Variants in ACOX2 observed in about 807,000 individuals in gnomAD.
ACOX2 encodes acyl-CoA oxidase 2.
ACOX2 carries 59 observed loss-of-function variants against 77.5 expected under a neutral mutation model. That is an observed-to-expected ratio of 0.76 (90% CI 0.62 to 0.95). ACOX2 has a LOEUF of 0.95. Ranked by LOEUF, ACOX2 falls within the 40% of genes least tolerant of loss-of-function variation. The probability of loss-of-function intolerance (pLI) is 0.00; values close to 1 mark genes in which losing one functional copy is unlikely to be tolerated. For synonymous variants in ACOX2, 317 were observed against 340.1 expected (o/e 0.93, Z 0.75); for missense variants, 837 against 880.4 (o/e 0.95, Z 0.62).
rs2063454937 is a variant in ACOX2 at position 58,533,380 on chromosome 3, T to C, written c.583+65A>G. ...GTCTGTTGGACCTCAAAGCCAGTGC[T>C]ACTCTGCCCTCCAACATTCTTCTAC... On this transcript the variant is annotated intron_variant, in intron 5 of 14. Coordinates refer to ENST00000302819, the MANE Select transcript of ACOX2 (RefSeq NM_003500.4). The surrounding 1 kb of genome is among the most constrained non-coding windows in gnomAD (Gnocchi z 5.6). 3 of 1,445,354 alleles carry C rather than the reference T, an allele frequency of 2.1e-6. No individual in the cohort carries two copies. In the Admixed American group the frequency reaches 5.1e-5, roughly 25 times the overall value. The allele number at this position is 1,445,354 out of a possible 1,614,324, so 89.5% of individuals were successfully genotyped here.
chr3:58,530,708 T>C, intron 7 of ACOX2, 70 bp from the exon 8 acceptor site: 1 of 1,505,322 alleles, frequency 6.6e-7, no homozygotes, highest in South Asian at 1.2e-5. Flanking sequence ...TCTCCAGAGC[T>C]GTGGGGCTCC....
At chr3:58,513,848 A>G (rs548745333) in intron 13 of ACOX2, among the ~76,000 whole-genome samples, 164 of 152,274 alleles carry the variant, frequency 1.1e-3, no homozygotes, top group African/African-American at 3.7e-3. Flanking sequence ...CTATGGAGTG[A>G]ATTGGGTGGA....
At position 58,534,188 on chromosome 3, in the gene ACOX2, A is replaced by G; in HGVS notation, c.324-43T>C. On this transcript the variant is annotated intron_variant, in intron 3 of 14. Transcript: ENST00000302819. The surrounding 1 kb of genome is among the most constrained non-coding windows in gnomAD (Gnocchi z 4.8). ...TGTAGTTGAGTAGCTTATTGGAGAC[A>G]GGGGCCCAGGTACCCCCTGCCTGAG... The G allele has an allele frequency of 6.2e-7, 1 of 1,610,338 alleles. No individual in the cohort carries two copies. The highest frequency in any genetic ancestry group is 1.1e-5 in the South Asian group (1 of 90,772).
At chr3:58,510,856 C>A (rs1576987099) in intron 13 of ACOX2, 1 of 340,650 alleles carries the variant, frequency 2.9e-6, no homozygotes. Context: ...CTGGAAAAAA[C>A]AATCATAACT....
chr3:58,507,972 A>G (rs2063246875), intron 14 of ACOX2, among the ~76,000 whole-genome samples: 1 of 152,226 alleles, frequency 6.6e-6, no homozygotes, highest in African/African-American at 2.4e-5. Context: ...TGGACCAAAG[A>G]GGTAAAAAAG....
At chr3:58,517,909 T>C (rs1026062936) in intron 12 of ACOX2, among the ~76,000 whole-genome samples, 1 of 151,644 alleles carries the variant, frequency 6.6e-6, no homozygotes, top group South Asian at 2.1e-4. Flanking sequence ...ACCCTGTCTC[T>C]ACTAAAAATG....
chr3:58,520,153 CCTCT>C (rs1427242131), intron 12 of ACOX2, among the ~76,000 whole-genome samples: 2 of 152,214 alleles, frequency 1.3e-5, no homozygotes, highest in African/African-American at 4.8e-5. Flanking sequence ...GTGCTAGCTG[CCTCT>C]CTAAGTTTTA....
At position 58,516,840 on chromosome 3, in the gene ACOX2, A is replaced by G. The variant is rs149104404; in HGVS notation, c.1850+366T>C. ...TGACAGAGCCAGTCCCTGTCTAAAA[A>G]AAAAGAAAAGAAAAAAAAAGTTAGC... On this transcript the variant is annotated intron_variant, in intron 13 of 14. Coordinates refer to ENST00000302819, the MANE Select transcript of ACOX2 (RefSeq NM_003500.4). 3.5e-3 allele frequency among the ~76,000 whole-genome samples: 533 copies of G among 152,322 alleles called. 7 individuals are homozygous for G. Among genetic ancestry groups the G allele is most frequent in the African/African-American group, 0.012 (492 of 41,566 alleles).
At position 58,520,480 on chromosome 3, in the gene ACOX2, C is replaced by T. The variant is rs151024103; in HGVS notation, c.1632+2016G>A. 8.3e-3 allele frequency among the ~76,000 whole-genome samples: 1,266 copies of T among 152,384 alleles called. 12 individuals carry two copies. The highest frequency in any genetic ancestry group is 0.014 in the Non-Finnish European group (932 of 68,036). ...AAAGGGCTCTTCCATGCCCCTTTGT[C>T]TACAGACAGGGAAGTTAAAGCCCAG... On this transcript the variant is annotated intron_variant, in intron 12 of 14. Coordinates refer to ENST00000302819, the MANE Select transcript of ACOX2 (RefSeq NM_003500.4).
chr3:58,512,371 G>C lies in ACOX2; in HGVS notation c.1851-3346C>G, dbSNP rs545574420. Among the ~76,000 whole-genome samples, 62 of 152,306 alleles carry C rather than the reference G, an allele frequency of 4.1e-4. No individual in the cohort carries two copies. Among genetic ancestry groups the C allele is most frequent in the African/African-American group, 1.4e-3 (57 of 41,548 alleles). ...ATCACTCACTTGGATGATTGCATTAGCGATCCAGCTGATCTCCCTGCTTTT... is the reference window on the plus strand; with the variant it reads ...ATCACTCACTTGGATGATTGCATTACCGATCCAGCTGATCTCCCTGCTTTT... On this transcript the variant is annotated intron_variant, in intron 13 of 14. Transcript: ENST00000302819. The surrounding 1 kb of genome is among the most constrained non-coding windows in gnomAD (Gnocchi z 4.8).
chr3:58,515,001 T>G lies in ACOX2; in HGVS notation c.1850+2205A>C, dbSNP rs2063312068. Among the ~76,000 whole-genome samples, 1 of 152,156 alleles carries G rather than the reference T, an allele frequency of 6.6e-6. No homozygotes were observed. Among genetic ancestry groups the G allele is most frequent in the Non-Finnish European group, 1.5e-5 (1 of 68,034 alleles). Reference sequence around the variant, plus strand: ...ATTGTGTCAAACGTATTTTTGACAGTTTTTGATGATTTAACTGAACAAACT... The same window carrying G: ...ATTGTGTCAAACGTATTTTTGACAGGTTTTGATGATTTAACTGAACAAACT... On this transcript the variant is annotated intron_variant, in intron 13 of 14. Transcript: ENST00000302819. The surrounding 1 kb of genome is among the most constrained non-coding windows in gnomAD (Gnocchi z 4.0).
chr3:58,510,951 T>G (rs2063282566), intron 13 of ACOX2: 1 of 456,358 alleles, frequency 2.2e-6, no homozygotes, highest in African/African-American at 2.0e-5. Context: ...CATTTACTGT[T>G]TCTTTTTCTT....
chr3:58,532,390 C>CTT (rs1176350992), intron 5 of ACOX2, among the ~76,000 whole-genome samples: 1 of 148,104 alleles, frequency 6.8e-6, no homozygotes, highest in Admixed American at 6.8e-5. Context: ...TTCTTTCTTT[C>CTT]TTTCTTTTGT....
rs1560220614 is a variant in ACOX2, at chr3:58,531,813, C to T, written c.584-1G>A. 1 of 1,613,164 alleles carries T rather than the reference C, an allele frequency of 6.2e-7. No individual in the cohort carries two copies. Among genetic ancestry groups the T allele is most frequent in the Non-Finnish European group, 8.5e-7 (1 of 1,179,700 alleles). On this transcript the variant is annotated splice_acceptor_variant, in intron 5 of 14. Coordinates refer to ENST00000302819, the MANE Select transcript of ACOX2 (RefSeq NM_003500.4). LOFTEE classifies it high-confidence loss of function. The surrounding 1 kb of genome is among the most constrained non-coding windows in gnomAD (Gnocchi z 5.8). ...AGGGCATGGGTGGCTGACCGTCCCA[C>T]TGAGGGCAGAGAGAGTAGCGGCCCG...
rs1042640368 is a variant in ACOX2, at chr3:58,521,167, C to T, written c.1632+1329G>A. 2.0e-4 allele frequency among the ~76,000 whole-genome samples: 31 copies of T among 152,152 alleles called. No homozygotes were observed. The highest frequency in any genetic ancestry group is 7.2e-4 in the African/African-American group (30 of 41,424). ...GGACAGTTAGCACAGCAGGGGGTGC[C>T]CCTGCTGTAGGCTGAGCAGAACTGA... On this transcript the variant is annotated intron_variant, in intron 12 of 14. Transcript: ENST00000302819. This position sits in a 1 kb window ranked among gnomAD's most constrained non-coding sequence, Gnocchi z 4.8.
intron 12 of ACOX2, among the ~76,000 whole-genome samples, chr3:58,518,075 CAAAAAAAAAAAAAAAA>C (rs763535906): frequency 2.1e-5 from 1 of 47,678 alleles, no homozygotes; most frequent in African/African-American, 1.1e-4. Context: ...AACTCCATCT[CAAAAAAAAAAAAAAAA>C]AAAAAAAAAG....
rs1240687805 is a variant in ACOX2 at position 58,505,935 on chromosome 3, G to A, written c.1984-649C>T. Among the ~76,000 whole-genome samples, 2 of 151,912 alleles carry A rather than the reference G, an allele frequency of 1.3e-5. No individual in the cohort carries two copies. Among genetic ancestry groups the A allele is most frequent in the African/African-American group, 4.8e-5 (2 of 41,342 alleles). On this transcript the variant is annotated intron_variant, in intron 14 of 14. Transcript: ENST00000302819. This position sits in a 1 kb window ranked among gnomAD's most constrained non-coding sequence, Gnocchi z 4.4. ...CCTCCCGAGTACCTTGGATTACAGG[G>A]GTGCACCACCACACCTGGCTAATTT...
Position 58,524,320 on chromosome 3 carries a change from T to G in ACOX2, c.1526+106A>C. The G allele has an allele frequency of 1.4e-6, 2 of 1,428,898 alleles. No homozygotes were observed. 88.5% of individuals were successfully genotyped at this position (1,428,898 alleles called of 1,614,324 possible). A position where few individuals can be genotyped will look rare whatever the true frequency, so the allele number is the denominator to read the frequency against. On this transcript the variant is annotated intron_variant, in intron 11 of 14. Coordinates refer to ENST00000302819, the MANE Select transcript of ACOX2 (RefSeq NM_003500.4). This position sits in a 1 kb window ranked among gnomAD's most constrained non-coding sequence, Gnocchi z 5.5. The stretch of plus-strand genomic sequence containing the variant: ...ACCGGGGAGGCTAGGCATGGGGTGG[T>G]TTTTAGAACTGAATCCACGAATGTC...
In ACOX2 at chr3:58,535,273, C is replaced by G; in HGVS notation, c.-91-76G>C. On this transcript the variant is annotated intron_variant, in intron 1 of 14. Transcript: ENST00000302819. The surrounding 1 kb of genome is among the most constrained non-coding windows in gnomAD (Gnocchi z 4.8). ...GTAGAAGAAAGACATCCCTAAGTAC[C>G]TGAATGCCACTCCACCTCCCCACTC... 1.4e-6 allele frequency: 1 copy of G among 739,506 alleles called. No homozygotes were observed. Among genetic ancestry groups the G allele is most frequent in the Non-Finnish European group, 2.2e-6 (1 of 444,910 alleles). The allele number at this position is 739,506 out of a possible 1,614,324, so 45.8% of individuals were successfully genotyped here.
Sources: gnomAD v4.1 joint callset for allele counts (sites outside exome capture counted in the v4.1 genomes callset) on GRCh38, gnomAD v4.1.1 for gene constraint, Gnocchi (gnomAD v3.1) non-coding constraint, MANE v1.5 for transcripts, NCBI Gene and HGNC (gene_info 2026-07-23, HGNC 2026-07-21) for gene names.